The following CASK variants were observed in gnomAD, a reference collection of about 807,000 sequenced individuals.
CASK encodes the protein peripheral plasma membrane protein CASK.
Under a neutral mutation model 82.9 loss-of-function variants are expected in CASK, and 4 were observed. That is an observed-to-expected ratio of 0.05 (90% CI 0.02 to 0.11). The LOEUF is 0.11. Ranked by LOEUF, CASK falls within the 10% of genes least tolerant of loss-of-function variation. The pLI is 1.00. For synonymous variants in CASK, 259 were observed against 253.5 expected, an observed-to-expected ratio of 1.02 and a Z score of -0.20; for missense variants, 358 against 720.9, an observed-to-expected ratio of 0.50 and a Z score of 5.76.
intron 1 of CASK, among the ~76,000 whole-genome samples, chrX:41,854,433 G>C (rs1191755899): frequency 8.9e-6 from 1 of 112,291 alleles, no homozygotes; most frequent in Non-Finnish European, 1.9e-5. Context: ...AAATACATGT[G>C]TACATGTATA....
intron 3 of CASK, among the ~76,000 whole-genome samples, chrX:41,752,032 C>A: frequency 1.0e-5 from 1 of 99,180 alleles, no homozygotes. Context: ...GGCAACAGAG[C>A]AAGACCCCAT....
At chrX:41,857,199 T>A (rs1300725938) in intron 1 of CASK, among the ~76,000 whole-genome samples, 1 of 110,856 alleles carries the variant, frequency 9.0e-6, no homozygotes, top group African/African-American at 3.3e-5. Context: ...GCTAGATAAT[T>A]TTTTGTTGTG....
chrX:41,828,790 C>T (rs1264037299), intron 2 of CASK, among the ~76,000 whole-genome samples: 1 of 112,130 alleles, frequency 8.9e-6, no homozygotes, highest in African/African-American at 3.2e-5. Context: ...ATACATTTTG[C>T]ACCAATGCCT....
At chrX:41,873,560 T>C (rs964292611) in intron 1 of CASK, among the ~76,000 whole-genome samples, 5 of 111,200 alleles carry the variant, frequency 4.5e-5, no homozygotes, top group Non-Finnish European at 9.4e-5. Flanking sequence ...TCCTATTTTA[T>C]TTTGGCTGTA....
intron 2 of CASK, among the ~76,000 whole-genome samples, chrX:41,827,726 T>C (rs2070696069): frequency 8.9e-6 from 1 of 112,302 alleles, no homozygotes; most frequent in Non-Finnish European, 1.9e-5. Context: ...TTAGAAAAGA[T>C]GGTAACTTCC....
At chrX:41,725,343 C>G (rs1190297410) in intron 5 of CASK, among the ~76,000 whole-genome samples, 1 of 110,834 alleles carries the variant, frequency 9.0e-6, no homozygotes, top group Admixed American at 9.6e-5. Context: ...ATAAATCAAA[C>G]CATAATTCTG....
At chrX:41,604,084 C>G (rs1019021617) in intron 12 of CASK, among the ~76,000 whole-genome samples, 2 of 109,832 alleles carry the variant, frequency 1.8e-5, no homozygotes, top group African/African-American at 6.6e-5. Flanking sequence ...ATAAATAACA[C>G]TTTAACACCA....
chrX:41,861,333 A>G (rs759079707), intron 1 of CASK, among the ~76,000 whole-genome samples: 1 of 111,023 alleles, frequency 9.0e-6, no homozygotes, highest in African/African-American at 3.3e-5. Flanking sequence ...GGTCTTTGTT[A>G]GCTCACACTT....
At chrX:41,530,503 G>C (rs1446155026) in intron 25 of CASK, among the ~76,000 whole-genome samples, 1 of 111,980 alleles carries the variant, frequency 8.9e-6, no homozygotes, top group Non-Finnish European at 1.9e-5. Context: ...TTCCATCCCT[G>C]CTGTCTCTGA....
At chrX:41,848,020 CG>C (rs1343320103) in intron 2 of CASK, among the ~76,000 whole-genome samples, 1 of 112,345 alleles carries the variant, frequency 8.9e-6, no homozygotes, top group African/African-American at 3.2e-5. Flanking sequence ...CTAGAGAATA[CG>C]TTGTAGCTTT....
intron 6 of CASK, among the ~76,000 whole-genome samples, chrX:41,667,339 C>T (rs1207496266): frequency 9.0e-6 from 1 of 111,567 alleles, no homozygotes; most frequent in African/African-American, 3.3e-5. Flanking sequence ...TATACACCAA[C>T]TTCCTAAAAA....
chrX:41,604,461 G>C (rs1445363511), intron 12 of CASK, among the ~76,000 whole-genome samples: 1 of 107,508 alleles, frequency 9.3e-6, no homozygotes, highest in Non-Finnish European at 1.9e-5. Flanking sequence ...GTCAAGGAAT[G>C]ACAAGGATTG....
At chrX:41,725,534 A>ATATGG (rs2068245810) in intron 5 of CASK, among the ~76,000 whole-genome samples, 1 of 111,732 alleles carries the variant, frequency 8.9e-6, no homozygotes, top group African/African-American at 3.3e-5. Context: ...ATGGTGAAGA[A>ATATGG]CACAGAGAAT....
chrX:41,867,268 G>T (rs190945386), intron 1 of CASK, among the ~76,000 whole-genome samples: 1 of 112,063 alleles, frequency 8.9e-6, no homozygotes, highest in Non-Finnish European at 1.9e-5. Flanking sequence ...ATATAGAACT[G>T]TGCCTGACAC....
intron 1 of CASK, among the ~76,000 whole-genome samples, chrX:41,889,850 T>C (rs767052012): frequency 4.5e-5 from 5 of 111,327 alleles, no homozygotes; most frequent in African/African-American, 9.8e-5. Context: ...CTGAGAGAAG[T>C]TGACTTATTC....
chrX:41,658,597 A>G (rs751463371), intron 8 of CASK, among the ~76,000 whole-genome samples: 10 of 111,778 alleles, frequency 8.9e-5, no homozygotes, highest in African/African-American at 1.6e-4. Flanking sequence ...GAGGAGGAGC[A>G]AGGATGGAGG....
In CASK at chrX:41,626,560, T is replaced by C. The variant is rs371627074; in HGVS notation, c.1015+44A>G. Reference sequence around the variant, plus strand: ...CACAATGGGAGAGAATGGATGTAAATGCCAAATGACCCACACAGGTGAATA... The same window carrying C: ...CACAATGGGAGAGAATGGATGTAAACGCCAAATGACCCACACAGGTGAATA... On this transcript the variant is annotated intron_variant, in intron 10 of 26. Transcript: ENST00000378163. 2.5e-5 allele frequency: 21 copies of C among 826,464 alleles called. No homozygotes were observed. In the African/African-American group the frequency reaches 3.4e-4, roughly 13 times the overall value. The allele number at this position is 826,464 out of a possible 1,213,427, so 68.1% of individuals were successfully genotyped here.
chrX:41,598,624 C>T (rs5964021), intron 12 of CASK, among the ~76,000 whole-genome samples: 1,956 of 111,771 alleles, frequency 0.018, 39 homozygotes, highest in African/African-American at 0.06. Flanking sequence ...GGCCTCCCAA[C>T]GTGTTAGGAT....
chrX:41,751,226 G>A (rs996275112), intron 3 of CASK, among the ~76,000 whole-genome samples: 1 of 111,302 alleles, frequency 9.0e-6, no homozygotes, highest in African/African-American at 3.3e-5. Context: ...GTGACTACAG[G>A]CATGCACCAC....
Sources: allele counts gnomAD v4.1 joint callset (sites outside exome capture counted in the v4.1 genomes callset), GRCh38; gene constraint gnomAD v4.1.1; transcripts MANE v1.5; gene names NCBI Gene and HGNC (gene_info 2026-07-23, HGNC 2026-07-21).